Variants in PAFAH2 observed in about 807,000 individuals in gnomAD.
The protein encoded by PAFAH2 is platelet-activating factor acetylhydrolase 2, cytoplasmic.
A neutral mutation model predicts 49.0 loss-of-function variants in PAFAH2; 42 were observed. The ratio of observed to expected loss-of-function variants is 0.86; its 90% confidence interval spans 0.67 to 1.11. The LOEUF (loss-of-function observed/expected upper bound fraction) is 1.11. PAFAH2 is among the 50% of genes least tolerant of loss of function. The pLI is 0.00. For synonymous variants in PAFAH2, 184 were observed against 181.3 expected (o/e 1.01, Z -0.12); for missense variants, 503 against 501.8 (o/e 1.00, Z -0.02).
chr1:25,976,154 T>C (rs1347636073), intron 8 of PAFAH2, among the ~76,000 whole-genome samples: 1 of 151,888 alleles, frequency 6.6e-6, no homozygotes, highest in Non-Finnish European at 1.5e-5. Flanking sequence ...CTTTTTTCTG[T>C]TTTTTTTGAG....
intron 7 of PAFAH2, among the ~76,000 whole-genome samples, chr1:25,979,823 G>A (rs756898588): frequency 1.4e-4 from 21 of 151,938 alleles, no homozygotes; most frequent in Non-Finnish European, 2.1e-4. Flanking sequence ...ATGGGGTTTC[G>A]CCACGTTGGC....
intron 10 of PAFAH2, 86 bp downstream of exon 10, chr1:25,972,472 T>A: frequency 7.0e-7 from 1 of 1,429,208 alleles, no homozygotes; most frequent in Non-Finnish European, 9.6e-7. Context: ...CCTTCCCAGA[T>A]CCCAGACATG....
At chr1:25,968,912 C>T (rs1405788629) in intron 10 of PAFAH2, among the ~76,000 whole-genome samples, 1 of 152,038 alleles carries the variant, frequency 6.6e-6, no homozygotes, top group African/African-American at 2.4e-5. Context: ...ACTGTCTTAT[C>T]TCTTATCACT....
rs1491131272 is a variant in PAFAH2 at position 25,960,810 on chromosome 1, T to TTTTTC, written c.*1178_*1179insGAAAA. ...TATTTATTTTAAATTTTTCTTTTTC[T>TTTTTC]TTTTTTTTTTTTTAAGACAGAGTCT... On this transcript the variant is annotated 3_prime_UTR_variant, in exon 11 of 11. Coordinates refer to ENST00000374282, the MANE Select transcript of PAFAH2 (RefSeq NM_000437.4). 17 of 8,718 alleles carry TTTTTC rather than the reference T, an allele frequency of 1.9e-3. No homozygotes were observed. The highest frequency in any genetic ancestry group is 9.1e-3 in the Non-Finnish European group (15 of 1,642). The allele number at this position is 8,718 out of a possible 1,614,324, so 0.5% of individuals were successfully genotyped here.
chr1:25,962,557 TTA>T (rs2049354497), intron 10 of PAFAH2, among the ~76,000 whole-genome samples: 2 of 152,132 alleles, frequency 1.3e-5, no homozygotes, highest in Non-Finnish European at 2.9e-5. Flanking sequence ...GCATGGTGGC[TTA>T]TGCCTGTAAC....
Position 25,976,682 on chromosome 1 carries a change from C to T in PAFAH2, c.758G>A (p.Arg253Gln), listed in dbSNP as rs200427118. ...ACAGCAACACTACTAGGAAACTCAC[C>T]GAAATTGGGTCTCCTTGGCCAAAGC... Reference protein sequence around the residue: ...ILALAKETQFRCAVALDAWMF... With the variant: ...ILALAKETQFQCAVALDAWMF... Residue 253 changes from arginine (R) to glutamine (Q), a missense_variant and splice_region_variant, in exon 8 of 11, where the codon CGG (arginine) becomes CAG (glutamine). Coordinates refer to ENST00000374282, the MANE Select transcript of PAFAH2 (RefSeq NM_000437.4). The T allele has an allele frequency of 2.9e-4, 473 of 1,612,190 alleles. No homozygotes were observed. Among genetic ancestry groups the T allele is most frequent in the Non-Finnish European group, 3.9e-4 (457 of 1,178,378 alleles).
chr1:25,970,345 T>C (rs1259159076), intron 10 of PAFAH2, among the ~76,000 whole-genome samples: 1 of 152,162 alleles, frequency 6.6e-6, no homozygotes, highest in Non-Finnish European at 1.5e-5. Flanking sequence ...CACATGCCTG[T>C]AGTCCCAGCT....
intron 2 of PAFAH2, 110 bp downstream of exon 2, chr1:25,990,617 C>T: frequency 1.1e-6 from 1 of 877,622 alleles, no homozygotes; most frequent in Non-Finnish European, 1.8e-6. Flanking sequence ...TCCAGACCCG[C>T]TCTAATTCAT....
intron 1 of PAFAH2, among the ~76,000 whole-genome samples, chr1:25,993,625 A>G (rs1348378488): frequency 6.6e-6 from 1 of 152,192 alleles, no homozygotes; most frequent in African/African-American, 2.4e-5. Flanking sequence ...ATTTAAAAAC[A>G]AACCCAATTC....
At position 25,971,328 on chromosome 1, in the gene PAFAH2, T is replaced by G. The variant is rs142247785; in HGVS notation, c.1084+1230A>C. Among the ~76,000 whole-genome samples the G allele has an allele frequency of 9.1e-4, 139 of 152,208 alleles. 2 individuals are homozygous for G. Among genetic ancestry groups the G allele is most frequent in the African/African-American group, 3.2e-3 (132 of 41,538 alleles). ...GTTCTGGTGGGCAAAGAGGAGCTGATACAATCAAATTGCCTCTCTTGGAAA... is the reference window on the plus strand; with the variant it reads ...GTTCTGGTGGGCAAAGAGGAGCTGAGACAATCAAATTGCCTCTCTTGGAAA... On this transcript the variant is annotated intron_variant, in intron 10 of 10. Coordinates refer to ENST00000374282, the MANE Select transcript of PAFAH2 (RefSeq NM_000437.4).
chr1:25,987,797 GA>G (rs2049805614), intron 4 of PAFAH2, among the ~76,000 whole-genome samples: 1 of 152,034 alleles, frequency 6.6e-6, no homozygotes, highest in East Asian at 1.9e-4. Context: ...AGCACTGCTT[GA>G]GCCCAAGAGG....
intron 1 of PAFAH2, among the ~76,000 whole-genome samples, chr1:25,994,793 G>A (rs956588096): frequency 4.6e-5 from 7 of 152,084 alleles, no homozygotes; most frequent in African/African-American, 1.7e-4. Flanking sequence ...AAGCGGACTT[G>A]GAAATGGCCA....
At position 25,960,216 on chromosome 1, in the gene PAFAH2, C is replaced by T. The variant is rs2049319360; in HGVS notation, c.*1773G>A. On this transcript the variant is annotated 3_prime_UTR_variant, in exon 11 of 11. Coordinates refer to ENST00000374282, the MANE Select transcript of PAFAH2 (RefSeq NM_000437.4). ...CCTCCCTCACAGCCTCAACGATCTG[C>T]TGTTTCACCTCTTAGAATGGCCAGT... is the stretch of plus-strand genomic sequence containing the variant. 6.6e-6 allele frequency: 1 copy of T among 152,384 alleles called. No homozygotes were observed. Among genetic ancestry groups the T allele is most frequent in the Admixed American group, 6.5e-5 (1 of 15,282 alleles). The allele number at this position is 152,384 out of a possible 1,614,324, so 9.4% of individuals were successfully genotyped here.
At chr1:25,968,925 G>T (rs897529382) in intron 10 of PAFAH2, among the ~76,000 whole-genome samples, 2 of 151,974 alleles carry the variant, frequency 1.3e-5, no homozygotes, top group African/African-American at 4.8e-5. Context: ...TTATCACTCG[G>T]ATTACTGCAA....
rs776039474 is a variant in PAFAH2 at position 25,990,704 on chromosome 1, G to C, written c.90+23C>G. ...GCCGGCAGAAGCAGTGCAAACAGAAGAAAGGGAGCTGGGGACACTTACCTG... is the reference window on the plus strand; with the variant it reads ...GCCGGCAGAAGCAGTGCAAACAGAACAAAGGGAGCTGGGGACACTTACCTG... On this transcript the variant is annotated intron_variant, in intron 2 of 10. Transcript: ENST00000374282. 3.1e-6 allele frequency: 5 copies of C among 1,592,968 alleles called. No individual in the cohort carries two copies. In the African/African-American group the frequency reaches 6.7e-5, roughly 21 times the overall value.
intron 2 of PAFAH2, 112 bp from the exon 3 acceptor site, chr1:25,989,713 GA>G: frequency 1.2e-6 from 1 of 816,196 alleles, no homozygotes; most frequent in Non-Finnish European, 1.7e-6. Flanking sequence ...CCAAAACAGG[GA>G]AACTGAAGTT....
intron 10 of PAFAH2, among the ~76,000 whole-genome samples, chr1:25,968,362 GA>G (rs935988362): frequency 6.6e-6 from 1 of 152,038 alleles, no homozygotes; most frequent in Non-Finnish European, 1.5e-5. Context: ...GGAGTCTGAG[GA>G]AGTGCTGGTT....
chr1:25,976,862 C>T (rs2049597784), intron 7 of PAFAH2, 89 bp from the exon 8 acceptor site: 2 of 978,004 alleles, frequency 2.0e-6, no homozygotes, highest in African/African-American at 1.6e-5. Flanking sequence ...AATAGTGAGG[C>T]AATGAGGCCA....
intron 10 of PAFAH2, among the ~76,000 whole-genome samples, chr1:25,967,031 C>CA (rs34853555): frequency 0.58 from 49,029 of 83,958 alleles, 14,703 homozygotes; most frequent in East Asian, 0.71. Context: ...GACGCCTTCT[C>CA]AAAAAAAAAA....
Sources: allele counts gnomAD v4.1 joint callset (sites outside exome capture counted in the v4.1 genomes callset), GRCh38; gene constraint gnomAD v4.1.1; transcripts MANE v1.5; gene names NCBI Gene and HGNC (gene_info 2026-07-23, HGNC 2026-07-21).